The following ROBO1 variants were observed in gnomAD, a reference collection of about 807,000 sequenced individuals.
ROBO1 encodes roundabout homolog 1.
A neutral mutation model predicts 195.9 loss-of-function variants in ROBO1; 149 were observed. The observed-to-expected ratio is 0.76, with a 90% CI of 0.67 to 0.87. The LOEUF is 0.87. ROBO1 is among the 40% of genes least tolerant of loss of function. The pLI, the probability that ROBO1 is intolerant of heterozygous loss-of-function variation, is 0.00. For missense variants in ROBO1, 1,933 were observed against 2,068.3 expected (o/e 0.93, Z 1.27); for synonymous variants, 816 against 733.2 (o/e 1.11, Z -1.82).
intron 1 of ROBO1, among the ~76,000 whole-genome samples, chr3:79,609,024 T>G (rs1944575429): frequency 6.6e-6 from 1 of 151,968 alleles, no homozygotes; most frequent in Non-Finnish European, 1.5e-5. Context: ...TCGTCCCATT[T>G]GTCCTTTTGA....
intron 1 of ROBO1, among the ~76,000 whole-genome samples, chr3:79,693,383 TTGTGTG>T (rs55667736): frequency 0.021 from 3,029 of 145,194 alleles, 63 homozygotes; most frequent in African/African-American, 0.055. Flanking sequence ...ATATAGAGAT[TTGTGTG>T]TGTGTGTGTG....
intron 1 of ROBO1, among the ~76,000 whole-genome samples, chr3:79,747,109 GT>G (rs1459140522): frequency 2.0e-5 from 3 of 151,964 alleles, no homozygotes; most frequent in African/African-American, 7.2e-5. Context: ...TACAAATTGG[GT>G]TTTCCTTTTT....
chr3:78,845,260 G>A (rs1457851215), intron 4 of ROBO1, among the ~76,000 whole-genome samples: 1 of 149,798 alleles, frequency 6.7e-6, no homozygotes, highest in Non-Finnish European at 1.5e-5. Context: ...AGTATAAAAT[G>A]TGCACAGATT....
At chr3:78,827,476 GT>G (rs2031729244) in intron 4 of ROBO1, among the ~76,000 whole-genome samples, 2 of 152,194 alleles carry the variant, frequency 1.3e-5, no homozygotes, top group Non-Finnish European at 2.9e-5. Context: ...GTGCATGCCA[GT>G]GGTCTTTCTA....
At chr3:79,641,996 G>A (rs1256015538) in intron 1 of ROBO1, among the ~76,000 whole-genome samples, 4 of 152,136 alleles carry the variant, frequency 2.6e-5, no homozygotes, top group African/African-American at 9.7e-5. Flanking sequence ...TCCATCCTGG[G>A]TGACAGAGTG....
At chr3:79,404,666 C>A (rs1575779643) in intron 2 of ROBO1, among the ~76,000 whole-genome samples, 1 of 152,054 alleles carries the variant, frequency 6.6e-6, no homozygotes, top group Non-Finnish European at 1.5e-5. Context: ...AACAATCAAG[C>A]ATTAACCAAA....
intron 2 of ROBO1, among the ~76,000 whole-genome samples, chr3:79,326,637 G>A (rs2034225695): frequency 6.6e-6 from 1 of 152,196 alleles, no homozygotes; most frequent in South Asian, 2.1e-4. Flanking sequence ...TGAGCTGTTA[G>A]GTTGACACAA....
chr3:79,644,367 CT>C (rs1394569228), intron 1 of ROBO1, among the ~76,000 whole-genome samples: 4 of 152,078 alleles, frequency 2.6e-5, no homozygotes, highest in Non-Finnish European at 5.9e-5. Flanking sequence ...TTTCATGCTT[CT>C]GATAAAGACA....
At chr3:79,461,389 C>T (rs938438255) in intron 2 of ROBO1, among the ~76,000 whole-genome samples, 3 of 152,058 alleles carry the variant, frequency 2.0e-5, no homozygotes, top group African/African-American at 7.2e-5. Flanking sequence ...CATAAAATGA[C>T]TGACAACTCT....
rs563328596 is a variant in ROBO1, at chr3:79,366,838, A to G, written c.88+222986T>C. ...CAGTTCATATTAGATTCCTGCTAAA[A>G]GGCTAAAACCACATTAGTCTCTTAA... On this transcript the variant is annotated intron_variant, in intron 2 of 30. Transcript: ENST00000464233. 3.9e-5 allele frequency among the ~76,000 whole-genome samples: 6 copies of G among 152,304 alleles called. No homozygotes were observed. The South Asian group carries it at 1.0e-3, about 26-fold the overall frequency.
chr3:79,571,499 T>G (rs1173959658), intron 2 of ROBO1, among the ~76,000 whole-genome samples: 2 of 152,034 alleles, frequency 1.3e-5, no homozygotes, highest in Admixed American at 6.6e-5. Flanking sequence ...AAATATACCA[T>G]TTAGTGTGAT....
intron 2 of ROBO1, among the ~76,000 whole-genome samples, chr3:79,523,029 C>CAAA (rs1941273315): frequency 6.6e-6 from 1 of 152,104 alleles, no homozygotes; most frequent in Admixed American, 6.6e-5. Context: ...GTGTGCTTTA[C>CAAA]AATCAGATGA....
chr3:79,005,012 T>C (rs2077588852), intron 3 of ROBO1, among the ~76,000 whole-genome samples: 1 of 152,212 alleles, frequency 6.6e-6, no homozygotes, highest in African/African-American at 2.4e-5. Context: ...TTATCATCTA[T>C]AGAAACAATT....
chr3:78,859,174 C>T (rs372811169), intron 4 of ROBO1, among the ~76,000 whole-genome samples: 6 of 152,098 alleles, frequency 3.9e-5, no homozygotes, highest in Middle Eastern at 3.4e-3. Context: ...GAAATATTAC[C>T]GATAGAGCTG....
At chr3:79,033,563 C>T (rs2078332180) in intron 3 of ROBO1, among the ~76,000 whole-genome samples, 1 of 152,120 alleles carries the variant, frequency 6.6e-6, no homozygotes, top group South Asian at 2.1e-4. Context: ...GATTTTACCA[C>T]TACATGCTGC....
chr3:79,455,360 T>C (rs2039583652), intron 2 of ROBO1, among the ~76,000 whole-genome samples: 1 of 152,120 alleles, frequency 6.6e-6, no homozygotes, highest in African/African-American at 2.4e-5. Flanking sequence ...ATTTCCTGCC[T>C]ACTTTTTTAT....
At chr3:79,382,793 A>G (rs1012274155) in intron 2 of ROBO1, among the ~76,000 whole-genome samples, 10 of 152,112 alleles carry the variant, frequency 6.6e-5, no homozygotes, top group African/African-American at 2.4e-4. Context: ...TTCTGTATTT[A>G]TCCTCTATTC....
At chr3:79,201,491 C>T (rs895267381) in intron 2 of ROBO1, among the ~76,000 whole-genome samples, 1 of 151,920 alleles carries the variant, frequency 6.6e-6, no homozygotes, top group Non-Finnish European at 1.5e-5. Context: ...ATCACAAATG[C>T]TATCTACTAA....
chr3:79,511,315 AC>A (rs541444580), intron 2 of ROBO1, among the ~76,000 whole-genome samples: 9 of 152,268 alleles, frequency 5.9e-5, no homozygotes, highest in South Asian at 2.1e-4. Flanking sequence ...TTTAAATACT[AC>A]CCAACATTAT....
Sources: allele counts gnomAD v4.1 joint callset (sites outside exome capture counted in the v4.1 genomes callset), GRCh38; gene constraint gnomAD v4.1.1; transcripts MANE v1.5; gene names NCBI Gene and HGNC (gene_info 2026-07-23, HGNC 2026-07-21).